KCNJ12: variants seen among roughly 807,000 people sequenced by gnomAD.
KCNJ12 encodes potassium inwardly rectifying channel subfamily J member 12, also known as ATP-sensitive inward rectifier potassium channel 12.
In KCNJ12, 2 loss-of-function variants were observed where a neutral mutation model predicts 22.3. The observed-to-expected ratio is 0.09, with a 90% CI of 0.04 to 0.28. The LOEUF is 0.28. KCNJ12 is among the 10% of genes least tolerant of loss of function. KCNJ12 has a pLI of 1.00. For synonymous variants in KCNJ12, 117 were observed against 261.4 expected, an observed-to-expected ratio of 0.45 and a Z score of 5.33; for missense variants, 155 against 633.3, an observed-to-expected ratio of 0.24 and a Z score of 8.11.
At chr17:21,394,052 G>T (rs1555559626) in intron 1 of KCNJ12, among the ~76,000 whole-genome samples, 1 of 152,164 alleles carries the variant, frequency 6.6e-6, no homozygotes, top group African/African-American at 2.4e-5. Context: ...GAAGTCTCCA[G>T]TGAAGGCTAC....
chr17:21,384,547 T>C lies in KCNJ12; in HGVS notation c.-179+7634T>C, dbSNP rs115321925. ...TCGCAGCCTGGGGCTTTGGGACCTC[T>C]GGGTGAACCTGGCTCCCACTCAGGG... On this transcript the variant is annotated intron_variant, in intron 1 of 2. Transcript: ENST00000583088. 9.7e-3 allele frequency among the ~76,000 whole-genome samples: 1,481 copies of C among 152,202 alleles called. 34 individuals are homozygous for C. Among genetic ancestry groups the C allele is most frequent in the African/African-American group, 0.034 (1,414 of 41,516 alleles).
In KCNJ12 at chr17:21,417,021, A is replaced by G; in HGVS notation, c.*377A>G. The G allele has an allele frequency of 3.1e-6, 1 of 322,572 alleles. No homozygotes were observed. 20.0% of individuals were successfully genotyped at this position (322,572 alleles called of 1,614,324 possible). The stretch of plus-strand genomic sequence containing the variant: ...CTGCGGTGCTCCTTGCTGGTTTTTA[A>G]CTTGGGGAGAAACACCGGGTTTCAG... On this transcript the variant is annotated 3_prime_UTR_variant, in exon 3 of 3. Transcript: ENST00000583088.
intron 1 of KCNJ12, among the ~76,000 whole-genome samples, chr17:21,379,492 C>G (rs1312805112): frequency 1.3e-5 from 2 of 152,150 alleles, no homozygotes; most frequent in Admixed American, 1.3e-4. Context: ...CAGGGCTTTA[C>G]TGTGAGCGAC....
chr17:21,405,988 A>T (rs1228682126), intron 1 of KCNJ12, among the ~76,000 whole-genome samples: 4 of 152,294 alleles, frequency 2.6e-5, no homozygotes, highest in Admixed American at 2.6e-4. Context: ...TGCCCCTTCC[A>T]GGTAGTAGGG....
intron 1 of KCNJ12, among the ~76,000 whole-genome samples, chr17:21,386,187 G>A (rs111478534): frequency 3.3e-5 from 5 of 152,340 alleles, no homozygotes; most frequent in East Asian, 3.9e-4. Flanking sequence ...CTGGTTCCTC[G>A]CGGAGCCTCT....
rs1305482858 is a variant in KCNJ12 at position 21,418,705 on chromosome 17, GGCCTAGCCCC to G, written c.*2063_*2072del. ...GTGCCTCAGCTGGTTCCTGCTCCCAGGCCTAGCCCCGAAGCCTTAGGGGCCTTCTCAGCCT... is the reference window on the plus strand; with the variant it reads ...GTGCCTCAGCTGGTTCCTGCTCCCAGGAAGCCTTAGGGGCCTTCTCAGCCT... On this transcript the variant is annotated 3_prime_UTR_variant, in exon 3 of 3. Transcript: ENST00000583088. 7 of 167,496 alleles carry G rather than the reference GGCCTAGCCCC, an allele frequency of 4.2e-5. No individual in the cohort carries two copies. The highest frequency in any genetic ancestry group is 1.5e-5 in the Non-Finnish European group (1 of 68,536). The allele number at this position is 167,496 out of a possible 1,614,324, so 10.4% of individuals were successfully genotyped here.
intron 2 of KCNJ12, among the ~76,000 whole-genome samples, chr17:21,414,180 G>A (rs1906545531): frequency 6.6e-6 from 1 of 152,288 alleles, no homozygotes; most frequent in Non-Finnish European, 1.5e-5. Context: ...GCCCTGGGAA[G>A]GACAACAAGA....
At chr17:21,380,416 G>T (rs1391631689) in intron 1 of KCNJ12, among the ~76,000 whole-genome samples, 2 of 152,146 alleles carry the variant, frequency 1.3e-5, no homozygotes, top group Non-Finnish European at 2.9e-5. Flanking sequence ...CCCAGCCCCT[G>T]CCCTCAGGGA....
intron 2 of KCNJ12, among the ~76,000 whole-genome samples, chr17:21,411,140 G>A (rs1799609): frequency 3.3e-5 from 5 of 152,412 alleles, no homozygotes; most frequent in South Asian, 2.1e-4. Context: ...AGCTCCTCCC[G>A]GATGTCACCG....
In KCNJ12 at chr17:21,418,228, G is replaced by A. The variant is rs1597590719; in HGVS notation, c.*1584G>A. ...GGAGAAAACCTGCTCTCTTCTAGTCGGGCTTCTCCAGAAGCCAGTAATCAG... is the reference window on the plus strand; with the variant it reads ...GGAGAAAACCTGCTCTCTTCTAGTCAGGCTTCTCCAGAAGCCAGTAATCAG... On this transcript the variant is annotated 3_prime_UTR_variant, in exon 3 of 3. Transcript: ENST00000583088. 6.0e-6 allele frequency: 1 copy of A among 166,874 alleles called. No homozygotes were observed. The highest frequency in any genetic ancestry group is 1.5e-5 in the Non-Finnish European group (1 of 68,130). 10.3% of individuals were successfully genotyped at this position (166,874 alleles called of 1,614,324 possible).
chr17:21,411,970 AAGTGCCCAGTG>A (rs1418224588), intron 2 of KCNJ12, among the ~76,000 whole-genome samples: 1 of 152,300 alleles, frequency 6.6e-6, no homozygotes, highest in South Asian at 2.1e-4. Context: ...TGTATTCACC[AAGTGCCCAGTG>A]AGGGGGCTCC....
At chr17:21,400,715 A>G (rs1174404691) in intron 1 of KCNJ12, among the ~76,000 whole-genome samples, 1 of 152,312 alleles carries the variant, frequency 6.6e-6, no homozygotes, top group Non-Finnish European at 1.5e-5. Context: ...TGTGCTAGGG[A>G]TGCCTTTGAC....
chr17:21,395,026 G>A (rs1329236111), intron 1 of KCNJ12, among the ~76,000 whole-genome samples: 2 of 152,166 alleles, frequency 1.3e-5, no homozygotes, highest in Non-Finnish European at 2.9e-5. Flanking sequence ...GCCTGGGCAA[G>A]GTGGCTCACA....
At chr17:21,391,689 A>G (rs1316700113) in intron 1 of KCNJ12, among the ~76,000 whole-genome samples, 1 of 152,178 alleles carries the variant, frequency 6.6e-6, no homozygotes, top group Non-Finnish European at 1.5e-5. Flanking sequence ...CCCCAGGTTC[A>G]TGTCTAGCCC....
chr17:21,383,309 G>A (rs1450215081), intron 1 of KCNJ12, among the ~76,000 whole-genome samples: 2 of 152,220 alleles, frequency 1.3e-5, no homozygotes, highest in East Asian at 3.9e-4. Context: ...CGTTCTGTGT[G>A]GCAGCAGCCG....
chr17:21,404,678 GC>G, intron 1 of KCNJ12, among the ~76,000 whole-genome samples: 1 of 152,344 alleles, frequency 6.6e-6, no homozygotes. Context: ...GTCTGCGATG[GC>G]CACCCCAGCA....
intron 2 of KCNJ12, among the ~76,000 whole-genome samples, chr17:21,414,217 G>A (rs1906548072): frequency 6.6e-6 from 1 of 152,402 alleles, no homozygotes; most frequent in Non-Finnish European, 1.5e-5. Context: ...TCTCACGCCT[G>A]TAATCCCAGC....
chr17:21,407,993 T>TCCTCCATCCATCCATC (rs112788755), intron 1 of KCNJ12, among the ~76,000 whole-genome samples: 1 of 134,470 alleles, frequency 7.4e-6, no homozygotes, highest in South Asian at 2.5e-4. Flanking sequence ...CACCCATCCA[T>TCCTCCATCCATCCATC]CATCCATCCA....
At chr17:21,390,441 C>T (rs193204392) in intron 1 of KCNJ12, among the ~76,000 whole-genome samples, 1 of 152,354 alleles carries the variant, frequency 6.6e-6, no homozygotes, top group East Asian at 1.9e-4. Context: ...GAGAGGGACT[C>T]GCTTCTGGAG....
Sources: allele counts gnomAD v4.1 joint callset (sites outside exome capture counted in the v4.1 genomes callset), GRCh38; gene constraint gnomAD v4.1.1; transcripts MANE v1.5; gene names NCBI Gene and HGNC (gene_info 2026-07-23, HGNC 2026-07-21).